The following GNA14 variants were observed in gnomAD, a reference collection of about 807,000 sequenced individuals.
GNA14 encodes G protein subunit alpha 14, also known as guanine nucleotide-binding protein subunit alpha-14.
Under a neutral mutation model 42.0 loss-of-function variants are expected in GNA14, and 50 were observed. The ratio of observed to expected loss-of-function variants is 1.19; its 90% confidence interval spans 0.95 to 1.51. The LOEUF (loss-of-function observed/expected upper bound fraction) is 1.51. GNA14 is among the 40% of genes most tolerant of loss of function. The pLI is 0.00. For missense variants in GNA14, 473 were observed against 446.2 expected (o/e 1.06, Z -0.54); for synonymous variants, 173 against 163.1 (o/e 1.06, Z -0.46).
chr9:77,555,611 G>T (rs1161997502), intron 1 of GNA14, among the ~76,000 whole-genome samples: 2 of 152,176 alleles, frequency 1.3e-5, no homozygotes, highest in East Asian at 3.9e-4. Context: ...AAGGCAAGCA[G>T]ATGATTGTTG....
chr9:77,579,560 G>C (rs749596640), intron 1 of GNA14, among the ~76,000 whole-genome samples: 1 of 152,128 alleles, frequency 6.6e-6, no homozygotes, highest in Non-Finnish European at 1.5e-5. Flanking sequence ...CTTGATGTCT[G>C]CAAGTCCCTG....
chr9:77,551,218 T>G (rs1226012378), intron 1 of GNA14, among the ~76,000 whole-genome samples: 1 of 152,170 alleles, frequency 6.6e-6, no homozygotes, highest in Non-Finnish European at 1.5e-5. Context: ...TTGACACAGT[T>G]TGATATATTA....
intron 2 of GNA14, among the ~76,000 whole-genome samples, chr9:77,475,009 A>G (rs1247662890): frequency 1.4e-5 from 2 of 141,090 alleles, no homozygotes; most frequent in Admixed American, 1.4e-4. Context: ...TGGAAATAGG[A>G]GCATGATGGC....
At chr9:77,613,323 G>A (rs1823761160) in intron 1 of GNA14, among the ~76,000 whole-genome samples, 1 of 152,196 alleles carries the variant, frequency 6.6e-6, no homozygotes, top group Non-Finnish European at 1.5e-5. Context: ...ACACTTAGAT[G>A]TAGAATCTAA....
At chr9:77,603,249 G>A (rs1478261125) in intron 1 of GNA14, among the ~76,000 whole-genome samples, 2 of 152,126 alleles carry the variant, frequency 1.3e-5, no homozygotes, top group Non-Finnish European at 2.9e-5. Context: ...TAGCTTTTGT[G>A]TGTGAAATGT....
chr9:77,586,059 T>A (rs2117872639), intron 1 of GNA14, among the ~76,000 whole-genome samples: 1 of 152,064 alleles, frequency 6.6e-6, no homozygotes, highest in South Asian at 2.1e-4. Context: ...CGCCAAACAC[T>A]CCCCAGGCTA....
chr9:77,471,255 T>C (rs1564024250), intron 2 of GNA14, among the ~76,000 whole-genome samples: 1 of 152,170 alleles, frequency 6.6e-6, no homozygotes. Context: ...GGCTCAATTT[T>C]AAAAGTAATG....
chr9:77,617,140 G>A (rs1356634591), intron 1 of GNA14, among the ~76,000 whole-genome samples: 1 of 152,020 alleles, frequency 6.6e-6, no homozygotes, highest in African/African-American at 2.4e-5. Flanking sequence ...AAAGTGTTGG[G>A]ATTACAGGCG....
intron 1 of GNA14, among the ~76,000 whole-genome samples, chr9:77,543,758 T>G (rs554710013): frequency 6.6e-6 from 1 of 152,188 alleles, no homozygotes; most frequent in Non-Finnish European, 1.5e-5. Flanking sequence ...TTCCCGTCAC[T>G]TCTCTGTTGA....
At position 77,434,365 on chromosome 9, in the gene GNA14, C is replaced by T. The variant is rs767660835; in HGVS notation, c.464+3G>A. ...GGGCGGCCAGGGTGGGCTCTGTACT[C>T]ACTATTTGGCAGAGTCCGACAGCTG... On this transcript the variant is annotated splice_donor_region_variant and intron_variant, in intron 3 of 6. Coordinates refer to ENST00000341700, the MANE Select transcript of GNA14 (RefSeq NM_004297.4). The T allele has an allele frequency of 1.0e-4, 164 of 1,612,798 alleles. No homozygotes were observed. Among genetic ancestry groups the T allele is most frequent in the Non-Finnish European group, 1.4e-4 (160 of 1,179,610 alleles).
Position 77,597,033 on chromosome 9 carries a change from C to T in GNA14, c.124+50637G>A, listed in dbSNP as rs577237299. 5.3e-5 allele frequency among the ~76,000 whole-genome samples: 8 copies of T among 152,304 alleles called. No homozygotes were observed. In the East Asian group the frequency reaches 1.5e-3, roughly 29 times the overall value. ...CTTGGGCACATGTCAACAGGACCTC[C>T]TGAGGCTGTGTCATGGGTACACATC... On this transcript the variant is annotated intron_variant, in intron 1 of 6. Coordinates refer to ENST00000341700, the MANE Select transcript of GNA14 (RefSeq NM_004297.4).
intron 1 of GNA14, among the ~76,000 whole-genome samples, chr9:77,603,410 A>G (rs1823597723): frequency 6.6e-6 from 1 of 152,118 alleles, no homozygotes. Flanking sequence ...CTGACCTTAC[A>G]TGTTTTAGGA....
chr9:77,467,728 C>T (rs1039534645), intron 2 of GNA14, among the ~76,000 whole-genome samples: 8 of 149,920 alleles, frequency 5.3e-5, no homozygotes, highest in African/African-American at 2.0e-4. Context: ...CTGCATCTCC[C>T]TTTAGATAGA....
chr9:77,593,198 C>T (rs983716368), intron 1 of GNA14, among the ~76,000 whole-genome samples: 4 of 152,128 alleles, frequency 2.6e-5, no homozygotes, highest in African/African-American at 9.7e-5. Context: ...TAATTTTGTT[C>T]TGTGTGTTGT....
intron 1 of GNA14, among the ~76,000 whole-genome samples, chr9:77,539,072 T>TC (rs1383628590): frequency 1.3e-5 from 2 of 152,232 alleles, no homozygotes; most frequent in Non-Finnish European, 2.9e-5. Flanking sequence ...AAAGTGGGCA[T>TC]CCTTGTCTTG....
chr9:77,638,084 T>C (rs1475725941), intron 1 of GNA14, among the ~76,000 whole-genome samples: 1 of 152,218 alleles, frequency 6.6e-6, no homozygotes, highest in East Asian at 1.9e-4. Context: ...CATGTATTCA[T>C]GGAAGAATAT....
At chr9:77,645,787 T>C (rs1350715856) in intron 1 of GNA14, among the ~76,000 whole-genome samples, 2 of 152,204 alleles carry the variant, frequency 1.3e-5, no homozygotes, top group African/African-American at 2.4e-5. Flanking sequence ...AGAGCCAGCA[T>C]TTGTCAAGCT....
intron 2 of GNA14, among the ~76,000 whole-genome samples, chr9:77,485,059 T>C (rs961802604): frequency 2.6e-5 from 4 of 152,138 alleles, no homozygotes; most frequent in Non-Finnish European, 5.9e-5. Context: ...AGCAATGAAG[T>C]TTGCCGCATT....
chr9:77,476,508 G>T (rs1357564437), intron 2 of GNA14, among the ~76,000 whole-genome samples: 4 of 152,150 alleles, frequency 2.6e-5, no homozygotes, highest in African/African-American at 9.7e-5. Flanking sequence ...TCCACATATA[G>T]AAACATTTGC....
Sources: gnomAD v4.1 joint callset for allele counts (sites outside exome capture counted in the v4.1 genomes callset) on GRCh38, gnomAD v4.1.1 for gene constraint, MANE v1.5 for transcripts, NCBI Gene and HGNC (gene_info 2026-07-23, HGNC 2026-07-21) for gene names.